UBR4: variants seen among roughly 807,000 people sequenced by gnomAD.
UBR4 encodes ubiquitin protein ligase E3 component n-recognin 4, also known as E3 ubiquitin-protein ligase UBR4.
UBR4 carries 124 observed loss-of-function variants against 575.6 expected under a neutral mutation model. That is an observed-to-expected ratio of 0.22 (90% CI 0.19 to 0.25). The LOEUF (loss-of-function observed/expected upper bound fraction) is 0.25. Among genes scored for constraint, UBR4 ranks in the 10% least tolerant of loss-of-function variants. The pLI is 1.00. For synonymous variants in UBR4, 2,455 were observed against 2,473.7 expected, an observed-to-expected ratio of 0.99 and a Z score of 0.22; for missense variants, 4,818 against 6,478.8, an observed-to-expected ratio of 0.74 and a Z score of 8.80.
intron 89 of UBR4, 66 bp from the exon 90 acceptor site, chr1:19,099,743 A>G: frequency 7.0e-7 from 1 of 1,422,280 alleles, no homozygotes; most frequent in Non-Finnish European, 9.8e-7. Context: ...TCCAAGAGCA[A>G]AGGGCACCTT....
intron 2 of UBR4, among the ~76,000 whole-genome samples, chr1:19,201,083 G>A (rs915456237): frequency 6.6e-6 from 1 of 152,168 alleles, no homozygotes; most frequent in Non-Finnish European, 1.5e-5. Flanking sequence ...AGGATGCAGT[G>A]AGCTATGATC....
chr1:19,153,484 T>C lies in UBR4; in HGVS notation c.6649A>G (p.Ile2217Val), dbSNP rs776565611. 2.5e-6 allele frequency: 4 copies of C among 1,614,072 alleles called. No homozygotes were observed. Among genetic ancestry groups the C allele is most frequent in the Middle Eastern group, 1.7e-4 (1 of 6,038 alleles). The change falls in exon 46 of 106, where the codon ATT becomes GTT. Residue 2217 changes from isoleucine to valine, a missense_variant. By Grantham distance (29) the Ile-to-Val change is conservative. Coordinates refer to ENST00000375254, the MANE Select transcript of UBR4 (RefSeq NM_020765.3). The surrounding 1 kb of genome is among the most constrained non-coding windows in gnomAD (Gnocchi z 4.1). ...AKAKIQDMVA[I>V]RHTACNEQQR... ...TGCTCATTGCAGGCCGTGTGCCTAA[T>C]AGCAACCATGTCTTGGATCTAGGAG...
chr1:19,095,718 G>T, intron 92 of UBR4, 66 bp from the exon 93 acceptor site: 2 of 1,466,120 alleles, frequency 1.4e-6, no homozygotes, highest in East Asian at 4.6e-5. Context: ...GGGCCAGTAG[G>T]AAAGGGATGT....
intron 67 of UBR4, 61 bp downstream of exon 67, chr1:19,121,873 T>C (rs2081219461): frequency 3.2e-6 from 5 of 1,578,312 alleles, no homozygotes; most frequent in Middle Eastern, 3.3e-4. Flanking sequence ...TGGCATATAG[T>C]AGGCCTTAAC....
intron 29 of UBR4, among the ~76,000 whole-genome samples, chr1:19,166,714 CAAAAAA>C (rs535369262): frequency 2.7e-5 from 2 of 73,708 alleles, no homozygotes; most frequent in African/African-American, 6.6e-5. Flanking sequence ...CCATCTCTAC[CAAAAAA>C]AAAAAAAAAA....
In UBR4 at chr1:19,110,596, A is replaced by G; in HGVS notation, c.11893-132T>C. 7.4e-7 allele frequency: 1 copy of G among 1,343,730 alleles called. No individual in the cohort carries two copies. The allele number at this position is 1,343,730 out of a possible 1,614,324, so 83.2% of individuals were successfully genotyped here. On this transcript the variant is annotated intron_variant, in intron 79 of 105. Coordinates refer to ENST00000375254, the MANE Select transcript of UBR4 (RefSeq NM_020765.3). This position sits in a 1 kb window ranked among gnomAD's most constrained non-coding sequence, Gnocchi z 4.5. ...GGACAGACGGAGACCCTTGTGCTCC[A>G]GGCTCTTCCCTGGGAAAACCATTCT...
In UBR4 at chr1:19,121,948, C is replaced by G. The variant is rs1356437589; in HGVS notation, c.9881G>C (p.Cys3294Ser). ...GCATTGCTTACAGTCATCTTTGATG[C>G]AGAATTTCTGCCAGTTGATGGTTCG... ...AQRTINWQKF[C>S]IKDDSVLYFL... Residue 3294 changes from cysteine (C) to serine (S), a missense_variant, in exon 67 of 106, where the codon TGC becomes TCC. Cys to Ser is a moderately radical substitution (Grantham distance 112). Around this residue, in one of 29 missense-constraint regions of UBR4, gnomAD observed 550 missense variants for 791.5 expected, o/e 0.69. Transcript: ENST00000375254. 2 of 1,614,176 alleles carry G rather than the reference C, an allele frequency of 1.2e-6. No individual in the cohort carries two copies. Among genetic ancestry groups the G allele is most frequent in the Admixed American group, 1.7e-5 (1 of 60,016 alleles).
At chr1:19,175,800 A>G (rs1240182652) in intron 20 of UBR4, among the ~76,000 whole-genome samples, 1 of 152,028 alleles carries the variant, frequency 6.6e-6, no homozygotes, top group Non-Finnish European at 1.5e-5. Context: ...TTTAGTTTTT[A>G]TGTTTTTTTT....
intron 65 of UBR4, 60 bp from the exon 66 acceptor site, chr1:19,123,120 T>G (rs757638701): frequency 6.4e-7 from 1 of 1,553,268 alleles, no homozygotes; most frequent in African/African-American, 1.4e-5. Flanking sequence ...ATATCAACTG[T>G]GGCTCTCACA....
chr1:19,138,382 C>T (rs2083430902), intron 59 of UBR4, among the ~76,000 whole-genome samples: 1 of 152,172 alleles, frequency 6.6e-6, no homozygotes, highest in Non-Finnish European at 1.5e-5. Flanking sequence ...TTCACCCTTC[C>T]CCAGTATGTA....
chr1:19,201,676 T>A, intron 2 of UBR4, 42 bp downstream of exon 2: 1 of 1,547,806 alleles, frequency 6.5e-7, no homozygotes, highest in Non-Finnish European at 8.9e-7. Context: ...ATCCCCCTAT[T>A]CACAAGCCCT....
chr1:19,085,294 G>A (rs1557499852), intron 101 of UBR4, among the ~76,000 whole-genome samples: 1 of 152,208 alleles, frequency 6.6e-6, no homozygotes, highest in Non-Finnish European at 1.5e-5. Flanking sequence ...GGCCGAGGCA[G>A]GTGGATCACC....
chr1:19,102,195 A>G (rs1277715941), intron 87 of UBR4, among the ~76,000 whole-genome samples: 1 of 152,188 alleles, frequency 6.6e-6, no homozygotes, highest in Non-Finnish European at 1.5e-5. Flanking sequence ...GCGAAATGCC[A>G]TCTCTACAAA....
At chr1:19,137,117 G>T (rs6426715) in intron 60 of UBR4, among the ~76,000 whole-genome samples, 106,116 of 151,730 alleles carry the variant, frequency 0.7, 38,611 homozygotes, top group African/African-American at 0.9. Context: ...CTGGGCAACA[G>T]GGCAAAACTC....
intron 53 of UBR4, 23 bp downstream of exon 53, chr1:19,145,770 T>G (rs2084780255): frequency 1.2e-6 from 2 of 1,609,060 alleles, no homozygotes; most frequent in South Asian, 2.2e-5. Context: ...ATTACCAAGA[T>G]TCAAATATCC....
chr1:19,186,443 A>C (rs2091534173), intron 14 of UBR4, 97 bp downstream of exon 14: 3 of 1,076,762 alleles, frequency 2.8e-6, no homozygotes, highest in Admixed American at 5.1e-5. Flanking sequence ...ACAAAATGGA[A>C]ACTTTTGTTT....
chr1:19,193,126 C>T (rs1028092062), intron 9 of UBR4, among the ~76,000 whole-genome samples: 1 of 152,128 alleles, frequency 6.6e-6, no homozygotes, highest in Non-Finnish European at 1.5e-5. Flanking sequence ...TAATCACTAT[C>T]GGAAATTTTC....
chr1:19,114,101 G>A, intron 75 of UBR4, 31 bp from the exon 76 acceptor site: 2 of 1,596,868 alleles, frequency 1.3e-6, no homozygotes, highest in Non-Finnish European at 1.7e-6. Context: ...ACTGAGTGAA[G>A]GCTTTTTGGC....
At chr1:19,190,770 C>T (rs2092009658) in intron 11 of UBR4, among the ~76,000 whole-genome samples, 1 of 152,158 alleles carries the variant, frequency 6.6e-6, no homozygotes, top group South Asian at 2.1e-4. Flanking sequence ...TTTGCCGCAC[C>T]ACCCTATCCA....
Sources: gnomAD v4.1 joint callset for allele counts (sites outside exome capture counted in the v4.1 genomes callset) on GRCh38, gnomAD v4.1.1 for gene constraint, gnomAD v4.1.1 regional missense constraint, Gnocchi (gnomAD v3.1) non-coding constraint, MANE v1.5 for transcripts, NCBI Gene and HGNC (gene_info 2026-07-23, HGNC 2026-07-21) for gene names.